Variants in SPOPL observed in about 807,000 individuals in gnomAD.
The protein encoded by SPOPL is speckle type BTB/POZ protein like, also known as speckle-type POZ protein-like.
A neutral mutation model predicts 53.8 loss-of-function variants in SPOPL; 23 were observed. That is an observed-to-expected ratio of 0.43 (90% CI 0.31 to 0.61). SPOPL has a LOEUF of 0.61. Ranked by LOEUF, SPOPL falls within the 20% of genes least tolerant of loss-of-function variation. SPOPL has a pLI of 0.12. For synonymous variants in SPOPL, 164 were observed against 149.7 expected (o/e 1.10, Z -0.70); for missense variants, 442 against 466.9 (o/e 0.95, Z 0.49).
At chr2:138,530,952 T>TG (rs1558868213) in intron 1 of SPOPL, among the ~76,000 whole-genome samples, 2 of 150,882 alleles carry the variant, frequency 1.3e-5, no homozygotes, top group Non-Finnish European at 3.0e-5. Flanking sequence ...TGTGTGTGTG[T>TG]TTTAAGACAC....
rs1351408149 is a variant in SPOPL at position 138,501,806 on chromosome 2, T to C, written c.-374T>C. 6.7e-6 allele frequency: 1 copy of C among 149,556 alleles called. No homozygotes were observed. Among genetic ancestry groups the C allele is most frequent in the Non-Finnish European group, 1.5e-5 (1 of 68,558 alleles). 9.3% of individuals were successfully genotyped at this position (149,556 alleles called of 1,614,324 possible). ...CGGGCTGGAGCCGGGGCTGGAGTCG[T>C]AACTCGGAAGCCGGAGCCCAGACGG... On this transcript the variant is annotated 5_prime_UTR_variant, in exon 1 of 11. Coordinates refer to ENST00000280098, the MANE Select transcript of SPOPL (RefSeq NM_001001664.3).
In SPOPL at chr2:138,569,685, T is replaced by G. The variant is rs1685741275; in HGVS notation, c.*605T>G. ...AGTTGGCCTAGATTTTTAGTGACAT[T>G]TATGATGTTTGTCTTGTATGTTAAC... On this transcript the variant is annotated 3_prime_UTR_variant, in exon 11 of 11. Coordinates refer to ENST00000280098, the MANE Select transcript of SPOPL (RefSeq NM_001001664.3). The G allele has an allele frequency of 6.6e-6, 1 of 152,268 alleles. No individual in the cohort carries two copies. 9.4% of individuals were successfully genotyped at this position (152,268 alleles called of 1,614,324 possible). A position where few individuals can be genotyped will look rare whatever the true frequency, so the allele number is the denominator to read the frequency against.
At chr2:138,512,104 T>G (rs1272945652) in intron 1 of SPOPL, among the ~76,000 whole-genome samples, 2 of 152,196 alleles carry the variant, frequency 1.3e-5, no homozygotes, top group Non-Finnish European at 2.9e-5. Flanking sequence ...AGATGCTTGC[T>G]TAAAAGGGAG....
intron 1 of SPOPL, among the ~76,000 whole-genome samples, chr2:138,511,097 A>G (rs1684313468): frequency 6.6e-6 from 1 of 152,242 alleles, no homozygotes; most frequent in Non-Finnish European, 1.5e-5. Flanking sequence ...AATAAAAATA[A>G]TAAATGAAGT....
intron 1 of SPOPL, among the ~76,000 whole-genome samples, chr2:138,516,546 G>C (rs907616835): frequency 6.6e-5 from 10 of 152,156 alleles, no homozygotes; most frequent in Admixed American, 5.2e-4. Flanking sequence ...GATGCTGGTA[G>C]GTTGAAAGTC....
chr2:138,502,829 TAAAAG>T (rs762813166), intron 1 of SPOPL, among the ~76,000 whole-genome samples: 4 of 152,202 alleles, frequency 2.6e-5, no homozygotes, highest in African/African-American at 4.8e-5. Context: ...TGATTCAACA[TAAAAG>T]AAAAGGGAAG....
intron 1 of SPOPL, among the ~76,000 whole-genome samples, chr2:138,504,251 CTG>C (rs915663463): frequency 8.5e-5 from 13 of 152,154 alleles, no homozygotes; most frequent in African/African-American, 3.1e-4. Context: ...GGGGGTGACA[CTG>C]TTTTTGGTAA....
intron 1 of SPOPL, among the ~76,000 whole-genome samples, chr2:138,549,386 A>G (rs1340854199): frequency 1.3e-5 from 2 of 151,916 alleles, no homozygotes; most frequent in African/African-American, 4.8e-5. Flanking sequence ...TAATCTTGAA[A>G]CCCTCTTACA....
intron 4 of SPOPL, among the ~76,000 whole-genome samples, chr2:138,552,015 A>G (rs953917092): frequency 2.0e-5 from 3 of 152,038 alleles, no homozygotes; most frequent in Non-Finnish European, 4.4e-5. Flanking sequence ...CTTAGGAATG[A>G]TAAAGGACTT....
intron 1 of SPOPL, among the ~76,000 whole-genome samples, chr2:138,520,242 T>C (rs1358868264): frequency 1.3e-5 from 2 of 152,258 alleles, no homozygotes; most frequent in Admixed American, 6.5e-5. Flanking sequence ...TTCTGTCTTT[T>C]AAGAGCTTTA....
chr2:138,565,119 T>G (rs1161672049), intron 10 of SPOPL, 126 bp downstream of exon 10: 9 of 1,221,266 alleles, frequency 7.4e-6, no homozygotes, highest in Non-Finnish European at 1.0e-5. Flanking sequence ...TGCCAGTTAT[T>G]AAAAACAAAC....
At chr2:138,524,851 TC>T (rs1456151389) in intron 1 of SPOPL, among the ~76,000 whole-genome samples, 1 of 152,168 alleles carries the variant, frequency 6.6e-6, no homozygotes, top group African/African-American at 2.4e-5. Context: ...AATTCCAAAC[TC>T]CCTATCTTCC....
chr2:138,525,193 A>G (rs771454728), intron 1 of SPOPL, among the ~76,000 whole-genome samples: 2 of 152,328 alleles, frequency 1.3e-5, no homozygotes, highest in Admixed American at 6.5e-5. Flanking sequence ...CATGTCTCAC[A>G]TGGTGGCAGA....
At chr2:138,565,245 G>A (rs1206730502) in intron 10 of SPOPL, among the ~76,000 whole-genome samples, 4 of 152,206 alleles carry the variant, frequency 2.6e-5, no homozygotes. Flanking sequence ...ATATAGCAGA[G>A]TCCAGGTATT....
At chr2:138,504,089 T>C (rs1471118426) in intron 1 of SPOPL, among the ~76,000 whole-genome samples, 2 of 152,276 alleles carry the variant, frequency 1.3e-5, no homozygotes, top group East Asian at 3.8e-4. Flanking sequence ...ATATTACTTT[T>C]GTGTTGTTTT....
chr2:138,506,742 G>A (rs1309693342), intron 1 of SPOPL, among the ~76,000 whole-genome samples: 3 of 152,118 alleles, frequency 2.0e-5, no homozygotes, highest in African/African-American at 7.2e-5. Flanking sequence ...GAGATGCCTA[G>A]TAGCAATTGG....
At chr2:138,536,969 C>T (rs779254579) in intron 1 of SPOPL, among the ~76,000 whole-genome samples, 3 of 152,144 alleles carry the variant, frequency 2.0e-5, no homozygotes, top group South Asian at 4.1e-4. Context: ...CTTATCTTCA[C>T]GCTCTTTGTA....
chr2:138,559,053 C>T lies in SPOPL; in HGVS notation c.512C>T (p.Ser171Leu). The T allele has an allele frequency of 6.2e-7, 1 of 1,610,558 alleles. No individual in the cohort carries two copies. Among genetic ancestry groups the T allele is most frequent in the Admixed American group, 1.7e-5 (1 of 59,432 alleles). Residue 171 changes from serine to leucine, a missense_variant, in exon 6 of 11, where the codon TCA becomes TTA. Physicochemically the swap from Ser to Leu is moderately radical, Grantham distance 145 (BLOSUM62 -2). Transcript: ENST00000280098. ...GTGGTCCAAGATTCAGTAAACATAT[C>T]AGGACATACTAATACAAATACTTTG... is the stretch of plus-strand genomic sequence containing the variant. ...VSVVQDSVNI[S>L]GHTNTNTLKV...
chr2:138,529,375 A>T (rs915126707), intron 1 of SPOPL, among the ~76,000 whole-genome samples: 6 of 152,036 alleles, frequency 3.9e-5, no homozygotes, highest in Non-Finnish European at 5.9e-5. Context: ...AATGAATATG[A>T]TGTATTCTTT....
Sources: gnomAD v4.1 joint callset for allele counts (sites outside exome capture counted in the v4.1 genomes callset) on GRCh38, gnomAD v4.1.1 for gene constraint, MANE v1.5 for transcripts, NCBI Gene and HGNC (gene_info 2026-07-23, HGNC 2026-07-21) for gene names.